MROH2A: variants seen among roughly 807,000 people sequenced by gnomAD.
MROH2A encodes maestro heat like repeat family member 2A.
In MROH2A, 174 loss-of-function variants were observed where a neutral mutation model predicts 200.4. The ratio of observed to expected loss-of-function variants is 0.87; its 90% CI spans 0.77 to 0.98. MROH2A has a LOEUF of 0.98. MROH2A is among the 50% of genes least tolerant of loss of function. The probability of loss-of-function intolerance (pLI) is 0.00; values close to 1 mark genes in which losing one functional copy is unlikely to be tolerated. For missense variants in MROH2A, 2,045 were observed against 2,139.6 expected (o/e 0.96, Z 0.87); for synonymous variants, 829 against 840.4 (o/e 0.99, Z 0.23).
intron 24 of MROH2A, among the ~76,000 whole-genome samples, chr2:233,812,190 A>T (rs1012262764): frequency 1.3e-5 from 2 of 152,102 alleles, no homozygotes; most frequent in African/African-American, 4.8e-5. Context: ...TTCTCCTTGG[A>T]TTTATGGCAC....
chr2:233,823,213 G>A (rs1704069852), intron 34 of MROH2A, among the ~76,000 whole-genome samples, 195 bp downstream of exon 34: 1 of 152,238 alleles, frequency 6.6e-6, no homozygotes, highest in Admixed American at 6.5e-5. Flanking sequence ...AACCCTTCCT[G>A]CTCAGAGCAG....
In MROH2A at chr2:233,833,131, C is replaced by T. The variant is rs939894590; in HGVS notation, c.4904-7C>T. 3.9e-6 allele frequency: 6 copies of T among 1,539,400 alleles called. No individual in the cohort carries two copies. The highest frequency in any genetic ancestry group is 5.3e-6 in the Non-Finnish European group (6 of 1,142,678). On this transcript the variant is annotated splice_polypyrimidine_tract_variant and splice_region_variant and intron_variant, in intron 41 of 41. Transcript: ENST00000389758. ...CCTGAACCTTCCCTCTTTGTGTTCT[C>T]TCTCAGCCCTCCAGGAACTACAGCT...
upstream of MROH2A, among the ~76,000 whole-genome samples, chr2:233,776,717 A>T (rs1362167556): frequency 3.3e-5 from 5 of 151,884 alleles, no homozygotes; most frequent in African/African-American, 4.8e-5. Flanking sequence ...TTTAAAAATG[A>T]CCCCTTTCTC....
chr2:233,796,396 T>G, intron 11 of MROH2A, 83 bp downstream of exon 11: 1 of 905,750 alleles, frequency 1.1e-6, no homozygotes, highest in Non-Finnish European at 1.7e-6. Context: ...TTCATTCATG[T>G]TCGGGCATTG....
rs1252753545 is a variant in MROH2A, at chr2:233,805,187, G to T, written c.2052+76G>T. The T allele has an allele frequency of 4.2e-6, 4 of 949,090 alleles. No homozygotes were observed. In the African/African-American group the frequency reaches 6.6e-5, roughly 16 times the overall value. 58.8% of individuals were successfully genotyped at this position (949,090 alleles called of 1,614,324 possible). On this transcript the variant is annotated intron_variant, in intron 19 of 41. Transcript: ENST00000389758. Reference sequence around the variant, plus strand: ...GTGAGGGAGTGGAGAGGATAACACCGTGTGTGTGAGATCAGCTGGACCTGT... The same window carrying T: ...GTGAGGGAGTGGAGAGGATAACACCTTGTGTGTGAGATCAGCTGGACCTGT...
chr2:233,810,937 C>T (rs1703111410), intron 23 of MROH2A, 21 bp downstream of exon 23: 2 of 1,548,636 alleles, frequency 1.3e-6, no homozygotes, highest in South Asian at 2.4e-5. Context: ...TGGGGCACCT[C>T]CTTGGTCCTG....
At chr2:233,787,948 T>TTA (rs1559437292) in intron 3 of MROH2A, among the ~76,000 whole-genome samples, 22 of 52,278 alleles carry the variant, frequency 4.2e-4, no homozygotes, top group South Asian at 1.3e-3. Flanking sequence ...TACATATATA[T>TTA]TATATATACA....
At chr2:233,808,291 C>G (rs1702933909) in intron 21 of MROH2A, among the ~76,000 whole-genome samples, 1 of 152,232 alleles carries the variant, frequency 6.6e-6, no homozygotes, top group African/African-American at 2.4e-5. Context: ...GCTCTAGCCA[C>G]TGTTGCAGGG....
chr2:233,799,693 C>T (rs912529298), intron 12 of MROH2A, 87 bp from the exon 13 acceptor site: 10 of 1,505,442 alleles, frequency 6.6e-6, no homozygotes, highest in Admixed American at 6.1e-5. Context: ...CCCAGAGCAC[C>T]CCCAATTCCT....
chr2:233,794,441 T>G lies in MROH2A; in HGVS notation c.901T>G (p.Tyr301Asp). 1 of 1,525,142 alleles carries G rather than the reference T, an allele frequency of 6.6e-7. No individual in the cohort carries two copies. Among genetic ancestry groups the G allele is most frequent in the Non-Finnish European group, 8.8e-7 (1 of 1,131,242 alleles). The allele number at this position is 1,525,142 out of a possible 1,614,324, so 94.5% of individuals were successfully genotyped here. A position where few individuals can be genotyped will look rare whatever the true frequency, so the allele number is the denominator to read the frequency against. Residue 301 changes from tyrosine (Y) to aspartate (D), a missense_variant, in exon 8 of 42, where the codon TAC becomes GAC. By Grantham distance (160) the Tyr-to-Asp change is radical. Coordinates refer to ENST00000389758, the MANE Select transcript of MROH2A (RefSeq NM_001394639.1). ...LPNDDLREQV[Y>D]DYIPLLLAEY... is the part of the protein sequence containing the mutation. ...CAACGATGACCTGCGGGAGCAGGTC[T>G]ACGACTACATCCCCCTGCTGCTGGC...
In MROH2A at chr2:233,832,202, A is replaced by G. The variant is rs1278542897; in HGVS notation, c.4760A>G (p.Tyr1587Cys). The change falls in exon 40 of 42, where the codon TAC (tyrosine) becomes TGC (cysteine). Residue 1587 changes from tyrosine (Y) to cysteine (C), a missense_variant. Around this residue, in one of 3 missense-constraint regions of MROH2A, gnomAD observed 1,201 missense variants for 1,311.3 expected, o/e 0.92. Coordinates refer to ENST00000389758, the MANE Select transcript of MROH2A (RefSeq NM_001394639.1). ...ILTRKKPAVL[Y>C]RFLLETMAYV... ...ACTCGGAAAAAGCCGGCTGTTCTCT[A>G]CCGCTTCTTGCTAGAAACAATGGCC... is the stretch of plus-strand genomic sequence containing the variant. The G allele has an allele frequency of 1.1e-5, 17 of 1,550,458 alleles. No individual in the cohort carries two copies. Among genetic ancestry groups the G allele is most frequent in the Non-Finnish European group, 1.5e-5 (17 of 1,147,016 alleles).
rs547138850 is a variant in MROH2A, at chr2:233,778,612, G to C, written c.-15+131G>C. ...GGACAGGAGGAGAAAGGATCTGAGAGCCTTTCTTCCACCATCTCGACATCT... is the reference window on the plus strand; with the variant it reads ...GGACAGGAGGAGAAAGGATCTGAGACCCTTTCTTCCACCATCTCGACATCT... On this transcript the variant is annotated intron_variant, in intron 1 of 41. Coordinates refer to ENST00000389758, the MANE Select transcript of MROH2A (RefSeq NM_001394639.1). The C allele has an allele frequency of 4.4e-5, 7 of 159,796 alleles. No homozygotes were observed. In the East Asian group the frequency reaches 1.3e-3, roughly 31 times the overall value. 9.9% of individuals were successfully genotyped at this position (159,796 alleles called of 1,614,324 possible).
In MROH2A at chr2:233,820,084, G is replaced by A. The variant is rs1033976815; in HGVS notation, c.3512+28G>A. 1 of 1,482,854 alleles carries A rather than the reference G, an allele frequency of 6.7e-7. No homozygotes were observed. The highest frequency in any genetic ancestry group is 2.5e-5 in the East Asian group (1 of 39,436). The allele number at this position is 1,482,854 out of a possible 1,614,324, so 91.9% of individuals were successfully genotyped here. ...GGGTGCCCTGGAGGAGGTGGCCCCGGCCTCCTGTGCCATTTGACCATGCCC... is the reference window on the plus strand; with the variant it reads ...GGGTGCCCTGGAGGAGGTGGCCCCGACCTCCTGTGCCATTTGACCATGCCC... On this transcript the variant is annotated intron_variant, in intron 31 of 41. Coordinates refer to ENST00000389758, the MANE Select transcript of MROH2A (RefSeq NM_001394639.1). The surrounding 1 kb of genome is among the most constrained non-coding windows in gnomAD (Gnocchi z 4.1).
Position 233,798,756 on chromosome 2 carries a change from C to T in MROH2A, c.1253-18C>T, listed in dbSNP as rs532702974. The T allele has an allele frequency of 6.5e-7, 1 of 1,547,684 alleles. No individual in the cohort carries two copies. The highest frequency in any genetic ancestry group is 2.0e-5 in the Admixed American group (1 of 50,996). Reference sequence around the variant, plus strand: ...CCTGAGCCACAGCCCTCCAGCCCACCCAGTTTTCCTCTTTCAGAGCCCAGG... The same window carrying T: ...CCTGAGCCACAGCCCTCCAGCCCACTCAGTTTTCCTCTTTCAGAGCCCAGG... On this transcript the variant is annotated intron_variant, in intron 11 of 41. Coordinates refer to ENST00000389758, the MANE Select transcript of MROH2A (RefSeq NM_001394639.1).
Position 233,800,219 on chromosome 2 carries a change from G to T in MROH2A, c.1464G>T (p.Glu488Asp). 6.5e-7 allele frequency: 1 copy of T among 1,549,250 alleles called. No homozygotes were observed. ...LSTYKLTNRR[E>D]KFYQRDLEER... ...CTTTCTTCCAGACAAATCGCCGGGA[G>T]AAGTTTTATCAGAGGGACTTGGAGG... The change falls in exon 14 of 42, where the codon GAG becomes GAT. Residue 488 changes from glutamate to aspartate, a missense_variant. Transcript: ENST00000389758.
intron 5 of MROH2A, among the ~76,000 whole-genome samples, chr2:233,791,363 G>A (rs1701749962): frequency 2.6e-5 from 4 of 152,244 alleles, no homozygotes; most frequent in South Asian, 2.1e-4. Context: ...TGCTGAGGAC[G>A]GGGGAAGGAG....
intron 5 of MROH2A, 94 bp from the exon 6 acceptor site, chr2:233,792,702 G>T: frequency 1.3e-6 from 1 of 755,912 alleles, no homozygotes; most frequent in Non-Finnish European, 2.3e-6. Flanking sequence ...ACTGTTAGGG[G>T]TTGGAGGTGG....
chr2:233,810,642 G>A (rs554308147), intron 22 of MROH2A, among the ~76,000 whole-genome samples, 152 bp from the exon 23 acceptor site: 39 of 152,348 alleles, frequency 2.6e-4, no homozygotes, highest in Middle Eastern at 3.4e-3. Flanking sequence ...TCATGTGGTC[G>A]AAGGACAGAG....
At chr2:233,777,127 A>G (rs138205447), upstream of MROH2A, among the ~76,000 whole-genome samples, 530 of 152,224 alleles carry the variant, frequency 3.5e-3, 11 homozygotes, top group East Asian at 5.2e-3. Context: ...GAACTATAAT[A>G]ATCGGTTGTT....
Sources: gnomAD v4.1 joint callset for allele counts (sites outside exome capture counted in the v4.1 genomes callset) on GRCh38, gnomAD v4.1.1 for gene constraint, gnomAD v4.1.1 regional missense constraint, Gnocchi (gnomAD v3.1) non-coding constraint, MANE v1.5 for transcripts, NCBI Gene and HGNC (gene_info 2026-07-23, HGNC 2026-07-21) for gene names.